The following CAMTA1 variants were observed in gnomAD, a reference collection of about 807,000 sequenced individuals.
The protein encoded by CAMTA1 is calmodulin binding transcription activator 1.
A neutral mutation model predicts 170.9 loss-of-function variants in CAMTA1; 27 were observed. The ratio of observed to expected loss-of-function variants is 0.16; its 90% CI spans 0.12 to 0.22. The LOEUF is 0.22. Among genes scored for constraint, CAMTA1 ranks in the 10% least tolerant of loss-of-function variants. The probability of loss-of-function intolerance (pLI) is 1.00; values close to 1 mark genes in which losing one functional copy is unlikely to be tolerated. For missense variants in CAMTA1, 1,619 were observed against 2,217.2 expected, an observed-to-expected ratio of 0.73 and a Z score of 5.42; for synonymous variants, 833 against 891.5, an observed-to-expected ratio of 0.93 and a Z score of 1.17.
At chr1:6,928,048 A>C (rs1683667163) in intron 3 of CAMTA1, among the ~76,000 whole-genome samples, 1 of 152,160 alleles carries the variant, frequency 6.6e-6, no homozygotes, top group Non-Finnish European at 1.5e-5. Context: ...GCTCCCCTGC[A>C]TCCTGTTCTC....
intron 6 of CAMTA1, among the ~76,000 whole-genome samples, chr1:7,502,028 T>G (rs1430973436): frequency 2.0e-5 from 3 of 152,232 alleles, no homozygotes; most frequent in Admixed American, 2.0e-4. Flanking sequence ...GGCTGCAATC[T>G]CAAGCCCCCC....
rs2083188124 is a variant in CAMTA1 at position 7,333,882 on chromosome 1, T to C, written c.438+84256T>C. ...CATTCCAGTGAAATGGAGGAATTTT[T>C]TTTTATTACTTACATTTATCAAGGA... On this transcript the variant is annotated intron_variant, in intron 5 of 22. Coordinates refer to ENST00000303635, the MANE Select transcript of CAMTA1 (RefSeq NM_015215.4). This position sits in a 1 kb window ranked among gnomAD's most constrained non-coding sequence, Gnocchi z 4.4. 6.6e-6 allele frequency among the ~76,000 whole-genome samples: 1 copy of C among 152,196 alleles called. No individual in the cohort carries two copies. The highest frequency in any genetic ancestry group is 1.9e-4 in the East Asian group (1 of 5,196).
chr1:7,125,854 C>T lies in CAMTA1; in HGVS notation c.302+34483C>T, dbSNP rs145494817. Among the ~76,000 whole-genome samples the T allele has an allele frequency of 7.2e-5, 11 of 152,282 alleles. No individual in the cohort carries two copies. The East Asian group carries it at 2.1e-3, about 29-fold the overall frequency. On this transcript the variant is annotated intron_variant, in intron 4 of 22. Transcript: ENST00000303635. The stretch of plus-strand genomic sequence containing the variant: ...CAGGGGTCCCTCCTTTCCATCTCTC[C>T]TCCCCAAAGCCTCAAAGCCCCAACG...
chr1:6,789,468 T>C (rs1433479640), intron 1 of CAMTA1, among the ~76,000 whole-genome samples: 2 of 152,248 alleles, frequency 1.3e-5, no homozygotes, highest in Non-Finnish European at 2.9e-5. Flanking sequence ...TTCATTACTT[T>C]GAGCCATTCT....
At chr1:6,891,110 C>T (rs1674413777) in intron 3 of CAMTA1, among the ~76,000 whole-genome samples, 2 of 152,196 alleles carry the variant, frequency 1.3e-5, no homozygotes, top group South Asian at 4.1e-4. Flanking sequence ...AAAGACATTT[C>T]TCTTTCCTTC....
chr1:7,221,067 G>A lies in CAMTA1; in HGVS notation c.303-28424G>A, dbSNP rs536250844. ...GGCAGCAAGCACCGAAGGCCGGCAC[G>A]GCACCAGCACAGATGAATGGCCCGG... On this transcript the variant is annotated intron_variant, in intron 4 of 22. Transcript: ENST00000303635. Among the ~76,000 whole-genome samples, 3 of 152,288 alleles carry A rather than the reference G, an allele frequency of 2.0e-5. No homozygotes were observed. The East Asian group carries it at 5.8e-4, about 29-fold the overall frequency.
chr1:7,030,180 G>A (rs904372214), intron 3 of CAMTA1, among the ~76,000 whole-genome samples: 4 of 152,150 alleles, frequency 2.6e-5, no homozygotes, highest in Non-Finnish European at 5.9e-5. Context: ...TATGCTGTCC[G>A]CAGAAGCCCA....
chr1:6,962,883 C>T (rs1690739489), intron 3 of CAMTA1, among the ~76,000 whole-genome samples: 1 of 150,910 alleles, frequency 6.6e-6, no homozygotes, highest in African/African-American at 2.4e-5. Context: ...CTGGCCCCAC[C>T]CTCCATCCCT....
At position 6,797,532 on chromosome 1, in the gene CAMTA1, T is replaced by A. The variant is rs141379564; in HGVS notation, c.45+11957T>A. On this transcript the variant is annotated intron_variant, in intron 1 of 22. Transcript: ENST00000303635. ...TCCTGAGTAGCTGGGATTACATGCA[T>A]GCACCACCACGCCTAGCTAATTTTT... 3.8e-3 allele frequency among the ~76,000 whole-genome samples: 581 copies of A among 151,796 alleles called. 5 individuals are homozygous for A. The highest frequency in any genetic ancestry group is 0.013 in the African/African-American group (541 of 41,362).
intron 3 of CAMTA1, chr1:6,886,108 A>G (rs1015482792): frequency 2.5e-6 from 1 of 406,080 alleles, no homozygotes; most frequent in South Asian, 1.8e-5. Flanking sequence ...CCTTGAGCCC[A>G]CCATCTGCAC....
chr1:7,208,608 C>T (rs891809354), intron 4 of CAMTA1, among the ~76,000 whole-genome samples: 5 of 152,198 alleles, frequency 3.3e-5, no homozygotes, highest in African/African-American at 1.2e-4. Flanking sequence ...GTGTTTTGCT[C>T]TTGTGGGTCC....
chr1:7,713,799 A>G (rs970090018), intron 11 of CAMTA1, among the ~76,000 whole-genome samples: 2 of 152,164 alleles, frequency 1.3e-5, no homozygotes, highest in African/African-American at 2.4e-5. Context: ...AGCCTTTATA[A>G]TTGTCAAAGA....
At chr1:7,612,983 G>A (rs1193903029) in intron 6 of CAMTA1, among the ~76,000 whole-genome samples, 1 of 152,198 alleles carries the variant, frequency 6.6e-6, no homozygotes, top group Non-Finnish European at 1.5e-5. Context: ...AAGGGCCTGT[G>A]TTCTTCATGA....
intron 3 of CAMTA1, among the ~76,000 whole-genome samples, chr1:7,058,380 C>T (rs550053663): frequency 2.6e-5 from 4 of 152,252 alleles, no homozygotes; most frequent in East Asian, 3.9e-4. Flanking sequence ...GCACTTTGTT[C>T]GTGGACCACT....
intron 4 of CAMTA1, among the ~76,000 whole-genome samples, chr1:7,182,582 C>T (rs960860332): frequency 6.6e-6 from 1 of 150,916 alleles, no homozygotes; most frequent in African/African-American, 2.4e-5. Context: ...AACAATGACT[C>T]AAAATCCAGA....
intron 3 of CAMTA1, among the ~76,000 whole-genome samples, chr1:6,986,115 CT>C (rs1201290691): frequency 6.6e-6 from 1 of 152,206 alleles, no homozygotes; most frequent in Non-Finnish European, 1.5e-5. Flanking sequence ...CCCTGTTGCC[CT>C]GCAGGTGGGT....
In CAMTA1 at chr1:7,065,708, C is replaced by T. The variant is rs1433174485; in HGVS notation, c.235-25596C>T. Among the ~76,000 whole-genome samples, 3 of 151,960 alleles carry T rather than the reference C, an allele frequency of 2.0e-5. No individual in the cohort carries two copies. The highest frequency in any genetic ancestry group is 4.2e-4 in the South Asian group (2 of 4,818). ...AGAATCCAGAAAAGGGAGATGGGTCCGTGGATAGGTGGAAGCCCTAGGTCA... is the reference window on the plus strand; with the variant it reads ...AGAATCCAGAAAAGGGAGATGGGTCTGTGGATAGGTGGAAGCCCTAGGTCA... On this transcript the variant is annotated intron_variant, in intron 3 of 22. Coordinates refer to ENST00000303635, the MANE Select transcript of CAMTA1 (RefSeq NM_015215.4). The surrounding 1 kb of genome is among the most constrained non-coding windows in gnomAD (Gnocchi z 5.2).
rs752398941 is a variant in CAMTA1, at chr1:7,286,509, CT to C, written c.438+36884del. On this transcript the variant is annotated intron_variant, in intron 5 of 22. Transcript: ENST00000303635. The surrounding 1 kb of genome is among the most constrained non-coding windows in gnomAD (Gnocchi z 4.2). ...AACGTTCAGGGTCGTCACCCTCACC[CT>C]GCTGTCATCCTCTGAGGCTGGGGAG... Among the ~76,000 whole-genome samples, 5 of 152,204 alleles carry C rather than the reference CT, an allele frequency of 3.3e-5. No homozygotes were observed. The highest frequency in any genetic ancestry group is 5.9e-5 in the Non-Finnish European group (4 of 68,038).
chr1:7,177,618 C>A (rs1210274304), intron 4 of CAMTA1, among the ~76,000 whole-genome samples: 1 of 150,914 alleles, frequency 6.6e-6, no homozygotes, highest in Non-Finnish European at 1.5e-5. Flanking sequence ...CACTGAGACT[C>A]CTCCCACACA....
Sources: gnomAD v4.1 joint callset for allele counts (sites outside exome capture counted in the v4.1 genomes callset) on GRCh38, gnomAD v4.1.1 for gene constraint, Gnocchi (gnomAD v3.1) non-coding constraint, MANE v1.5 for transcripts, NCBI Gene and HGNC (gene_info 2026-07-23, HGNC 2026-07-21) for gene names.